Variants in KCNQ1 observed in about 807,000 individuals in gnomAD.
KCNQ1 encodes potassium voltage-gated channel subfamily KQT member 1.
A neutral mutation model predicts 72.4 loss-of-function variants in KCNQ1; 49 were observed. The ratio of observed to expected loss-of-function variants is 0.68; its 90% CI spans 0.54 to 0.86. The LOEUF (loss-of-function observed/expected upper bound fraction) is 0.86. Among genes scored for constraint, KCNQ1 ranks in the 40% least tolerant of loss-of-function variants. The pLI, the probability that KCNQ1 is intolerant of heterozygous loss-of-function variation, is 0.00. For missense variants in KCNQ1, 790 were observed against 945.1 expected, an observed-to-expected ratio of 0.84 and a Z score of 2.15; for synonymous variants, 450 against 412.6, an observed-to-expected ratio of 1.09 and a Z score of -1.10.
At chr11:2,694,926 T>C (rs1219921342) in intron 11 of KCNQ1, 1 of 398,242 alleles carries the variant, frequency 2.5e-6, no homozygotes, top group Non-Finnish European at 4.4e-6. Context: ...CAGGCAGAGG[T>C]GGTGAAGGCC....
chr11:2,547,740 G>C lies in KCNQ1; in HGVS notation c.477+19722G>C, dbSNP rs2283156. On this transcript the variant is annotated intron_variant, in intron 2 of 15. Transcript: ENST00000155840. This position sits in a 1 kb window ranked among gnomAD's most constrained non-coding sequence, Gnocchi z 4.2. ...CCCCCACAACCTTGGGTGGACTACT[G>C]ACTACTTCGCGGGTAAGAAATGGTG... Among the ~76,000 whole-genome samples, 21,332 of 152,138 alleles carry C rather than the reference G, an allele frequency of 0.14. 1,674 individuals carry two copies. The highest frequency in any genetic ancestry group is 0.3 in the East Asian group (1,536 of 5,168).
At position 2,652,027 on chromosome 11, in the gene KCNQ1, C is replaced by G. The variant is rs776452941; in HGVS notation, c.1394-9934C>G. 1.0e-5 allele frequency: 4 copies of G among 398,550 alleles called. No homozygotes were observed. The highest frequency in any genetic ancestry group is 1.8e-5 in the Non-Finnish European group (4 of 226,104). The allele number at this position is 398,550 out of a possible 1,614,324, so 24.7% of individuals were successfully genotyped here. A position where few individuals can be genotyped will look rare whatever the true frequency, so the allele number is the denominator to read the frequency against. On this transcript the variant is annotated intron_variant, in intron 10 of 15. Coordinates refer to ENST00000155840, the MANE Select transcript of KCNQ1 (RefSeq NM_000218.3). This position sits in a 1 kb window ranked among gnomAD's most constrained non-coding sequence, Gnocchi z 5.9. The stretch of plus-strand genomic sequence containing the variant: ...ATAATTTTGATGTTGAGCCTCCCCC[C>G]AGTTCTGGGGTGGCTCTGACTGTGT...
chr11:2,685,378 A>C, intron 11 of KCNQ1: 1 of 398,700 alleles, frequency 2.5e-6, no homozygotes, highest in Non-Finnish European at 4.4e-6. Flanking sequence ...TGCCTGGTAC[A>C]TGGGCAGGGG....
At chr11:2,594,140 CTCAGTT>C (rs924836911) in intron 10 of KCNQ1, among the ~76,000 whole-genome samples, 4 of 152,192 alleles carry the variant, frequency 2.6e-5, no homozygotes, top group African/African-American at 9.7e-5. Flanking sequence ...AAGGTAAACT[CTCAGTT>C]TCAGTTTGTC....
intron 11 of KCNQ1, among the ~76,000 whole-genome samples, chr11:2,714,990 G>A (rs1851067457): frequency 6.6e-6 from 1 of 152,076 alleles, no homozygotes; most frequent in African/African-American, 2.4e-5. Flanking sequence ...CCAGGGCCAG[G>A]TGTCACACAA....
At chr11:2,847,579 A>G (rs1043093152) in intron 15 of KCNQ1, among the ~76,000 whole-genome samples, 188 bp from the exon 16 acceptor site, 2 of 152,224 alleles carry the variant, frequency 1.3e-5, no homozygotes, top group African/African-American at 2.4e-5. Context: ...CATTCCTTGC[A>G]CACACACAGG....
chr11:2,768,981 C>T lies in KCNQ1; in HGVS notation c.1590+62C>T. 1.5e-6 allele frequency: 2 copies of T among 1,337,050 alleles called. No homozygotes were observed. Among genetic ancestry groups the T allele is most frequent in the Non-Finnish European group, 1.1e-6 (1 of 929,928 alleles). 82.8% of individuals were successfully genotyped at this position (1,337,050 alleles called of 1,614,324 possible). A position where few individuals can be genotyped will look rare whatever the true frequency, so the allele number is the denominator to read the frequency against. The stretch of plus-strand genomic sequence containing the variant: ...CCCCTCGCAGCCTGATGCAGCTGCC[C>T]ACACCTCTCCTGGGTTCTCTCCTGC... On this transcript the variant is annotated intron_variant, in intron 12 of 15. Transcript: ENST00000155840. The surrounding 1 kb of genome is among the most constrained non-coding windows in gnomAD (Gnocchi z 6.7).
rs948177676 is a variant in KCNQ1 at position 2,668,251 on chromosome 11, G to C, written c.1514+6170G>C. ...TGGCCAGCAGGCAGTTTCTGGTGTAGGTTGCTGTTTAAGAATATTCTGTAC... is the reference window on the plus strand; with the variant it reads ...TGGCCAGCAGGCAGTTTCTGGTGTACGTTGCTGTTTAAGAATATTCTGTAC... On this transcript the variant is annotated intron_variant, in intron 11 of 15. Transcript: ENST00000155840. The surrounding 1 kb of genome is among the most constrained non-coding windows in gnomAD (Gnocchi z 4.3). 2 of 398,498 alleles carry C rather than the reference G, an allele frequency of 5.0e-6. No individual in the cohort carries two copies. The highest frequency in any genetic ancestry group is 8.8e-6 in the Non-Finnish European group (2 of 226,106). 24.7% of individuals were successfully genotyped at this position (398,498 alleles called of 1,614,324 possible).
chr11:2,703,277 A>G lies in KCNQ1; in HGVS notation c.1514+41196A>G, dbSNP rs1423402445. On this transcript the variant is annotated intron_variant, in intron 11 of 15. Transcript: ENST00000155840. The surrounding 1 kb of genome is among the most constrained non-coding windows in gnomAD (Gnocchi z 6.4). ...GCACCTTGTCACCTTCTTGGGACTC[A>G]AGGCTGCAGGGGTGGGTGTGAGACA... 1.3e-5 allele frequency among the ~76,000 whole-genome samples: 2 copies of G among 152,058 alleles called. No homozygotes were observed. Among genetic ancestry groups the G allele is most frequent in the Non-Finnish European group, 2.9e-5 (2 of 67,994 alleles).
chr11:2,623,815 G>A lies in KCNQ1; in HGVS notation c.1393+34961G>A, dbSNP rs1280315514. 8 of 398,434 alleles carry A rather than the reference G, an allele frequency of 2.0e-5. No individual in the cohort carries two copies. The highest frequency in any genetic ancestry group is 3.5e-5 in the Non-Finnish European group (8 of 226,048). The allele number at this position is 398,434 out of a possible 1,614,324, so 24.7% of individuals were successfully genotyped here. A position where few individuals can be genotyped will look rare whatever the true frequency, so the allele number is the denominator to read the frequency against. On this transcript the variant is annotated intron_variant, in intron 10 of 15. Coordinates refer to ENST00000155840, the MANE Select transcript of KCNQ1 (RefSeq NM_000218.3). This position sits in a 1 kb window ranked among gnomAD's most constrained non-coding sequence, Gnocchi z 5.2. ...ATGTGATTGCTGAACTGCATGGTAA[G>A]AATATGTTTAATTTTATAAGAAACC...
Position 2,498,339 on chromosome 11 carries a change from T to C in KCNQ1, c.387-29589T>C, listed in dbSNP as rs937491761. Among the ~76,000 whole-genome samples, 1 of 152,222 alleles carries C rather than the reference T, an allele frequency of 6.6e-6. No individual in the cohort carries two copies. The highest frequency in any genetic ancestry group is 2.4e-5 in the African/African-American group (1 of 41,466). ...CCCAGGGAAATGGGAGTTTTATCTA[T>C]AATCCCCTGACTGGGGCTGCTGCCT... is the stretch of plus-strand genomic sequence containing the variant. On this transcript the variant is annotated intron_variant, in intron 1 of 15. Coordinates refer to ENST00000155840, the MANE Select transcript of KCNQ1 (RefSeq NM_000218.3). The surrounding 1 kb of genome is among the most constrained non-coding windows in gnomAD (Gnocchi z 4.8).
rs1385888524 is a variant in KCNQ1 at position 2,772,398 on chromosome 11, C to T, written c.1590+3479C>T. Among the ~76,000 whole-genome samples, 1 of 152,126 alleles carries T rather than the reference C, an allele frequency of 6.6e-6. No individual in the cohort carries two copies. Among genetic ancestry groups the T allele is most frequent in the Non-Finnish European group, 1.5e-5 (1 of 68,018 alleles). The stretch of plus-strand genomic sequence containing the variant: ...CTTGAACTCCCTGTCCACCATCAGT[C>T]AGTCTGGACAGGCCTGCATTATCTC... On this transcript the variant is annotated intron_variant, in intron 12 of 15. Transcript: ENST00000155840. The surrounding 1 kb of genome is among the most constrained non-coding windows in gnomAD (Gnocchi z 6.6).
rs1047133731 is a variant in KCNQ1, at chr11:2,493,998, A to G, written c.387-33930A>G. Among the ~76,000 whole-genome samples the G allele has an allele frequency of 6.6e-6, 1 of 151,868 alleles. No homozygotes were observed. Among genetic ancestry groups the G allele is most frequent in the African/African-American group, 2.4e-5 (1 of 41,340 alleles). On this transcript the variant is annotated intron_variant, in intron 1 of 15. Coordinates refer to ENST00000155840, the MANE Select transcript of KCNQ1 (RefSeq NM_000218.3). This position sits in a 1 kb window ranked among gnomAD's most constrained non-coding sequence, Gnocchi z 5.3. ...TCCATGAGCATGGAATTTTTTTTCC[A>G]TTTGTTTGTGTCCTTTCCTTTCCTT... is the stretch of plus-strand genomic sequence containing the variant.
chr11:2,843,905 A>C lies in KCNQ1; in HGVS notation c.1795-3862A>C, dbSNP rs143219719. On this transcript the variant is annotated intron_variant, in intron 15 of 15. Transcript: ENST00000155840. ...TTGTCTGCCTTGCCTTTTAATCACT[A>C]TCAAATTGCAAATAATGGTGGAGGC... 7.4e-4 allele frequency among the ~76,000 whole-genome samples: 112 copies of C among 152,308 alleles called. 1 individual carries two copies. The highest frequency in any genetic ancestry group is 2.7e-3 in the African/African-American group (111 of 41,560).
intron 10 of KCNQ1, chr11:2,618,760 A>G (rs1033199319): frequency 1.5e-5 from 6 of 398,356 alleles, no homozygotes; most frequent in African/African-American, 1.2e-4. Context: ...TTCAATCTGT[A>G]TATTGATTTG....
rs547553769 is a variant in KCNQ1 at position 2,815,517 on chromosome 11, G to A, written c.1795-32250G>A. ...AAACACCTGATCTCAGCTCAGGATCGCCACTCCAGTGCCCCATCCCAGAGC... is the reference window on the plus strand; with the variant it reads ...AAACACCTGATCTCAGCTCAGGATCACCACTCCAGTGCCCCATCCCAGAGC... On this transcript the variant is annotated intron_variant, in intron 15 of 15. Transcript: ENST00000155840. This position sits in a 1 kb window ranked among gnomAD's most constrained non-coding sequence, Gnocchi z 5.4. 5.9e-5 allele frequency among the ~76,000 whole-genome samples: 9 copies of A among 152,246 alleles called. No homozygotes were observed. In the South Asian group the frequency reaches 1.5e-3, roughly 25 times the overall value.
At chr11:2,839,377 C>A (rs544434883) in intron 15 of KCNQ1, among the ~76,000 whole-genome samples, 146 of 152,362 alleles carry the variant, frequency 9.6e-4, no homozygotes, top group African/African-American at 3.2e-3. Context: ...AATGTCCGCA[C>A]GGAGCAGCCT....
chr11:2,698,385 A>G lies in KCNQ1; in HGVS notation c.1514+36304A>G. On this transcript the variant is annotated intron_variant, in intron 11 of 15. Transcript: ENST00000155840. This position sits in a 1 kb window ranked among gnomAD's most constrained non-coding sequence, Gnocchi z 5.1. ...GCTATTTGACCTGCTCAGGGACCAC[A>G]GTGGGGTACTGGGATCTGAACATAG... is the stretch of plus-strand genomic sequence containing the variant. The G allele has an allele frequency of 2.5e-6, 1 of 398,590 alleles. No homozygotes were observed. Among genetic ancestry groups the G allele is most frequent in the Non-Finnish European group, 4.4e-6 (1 of 226,060 alleles). The allele number at this position is 398,590 out of a possible 1,614,324, so 24.7% of individuals were successfully genotyped here.
rs1397172709 is a variant in KCNQ1, at chr11:2,544,396, A to G, written c.477+16378A>G. On this transcript the variant is annotated intron_variant, in intron 2 of 15. Transcript: ENST00000155840. The surrounding 1 kb of genome is among the most constrained non-coding windows in gnomAD (Gnocchi z 4.4). ...TATATATATGTGTGCATATATGTGT[A>G]TATATGTGTGTGTATATATATATAT... 7.4e-6 allele frequency among the ~76,000 whole-genome samples: 1 copy of G among 135,838 alleles called. No homozygotes were observed. Among genetic ancestry groups the G allele is most frequent in the African/African-American group, 3.0e-5 (1 of 33,676 alleles). The allele number at this position is 135,838 out of a possible 152,430, so 89.1% of individuals were successfully genotyped here.
Sources: allele counts gnomAD v4.1 joint callset (sites outside exome capture counted in the v4.1 genomes callset), GRCh38; gene constraint gnomAD v4.1.1; non-coding constraint Gnocchi (gnomAD v3.1); transcripts MANE v1.5; gene names NCBI Gene and HGNC (gene_info 2026-07-23, HGNC 2026-07-21).